Variants in MLXIPL observed in about 807,000 individuals in gnomAD.
MLXIPL encodes carbohydrate-responsive element-binding protein.
A neutral mutation model predicts 81.5 loss-of-function variants in MLXIPL; 49 were observed. The observed-to-expected ratio is 0.60, with a 90% CI of 0.48 to 0.76. MLXIPL has a LOEUF of 0.76. Among genes scored for constraint, MLXIPL ranks in the 30% least tolerant of loss-of-function variants. The pLI is 0.00. For synonymous variants in MLXIPL, 466 were observed against 485.5 expected (o/e 0.96, Z 0.53); for missense variants, 1,053 against 1,167.0 (o/e 0.90, Z 1.42).
the MLXIPL span, among the ~76,000 whole-genome samples, chr7:73,647,652 G>A: frequency 1.3e-5 from 2 of 152,166 alleles, no homozygotes; most frequent in Admixed American, 1.3e-4. Context: ...CAACCCAGCT[G>A]AGCCAGAGAC....
intron 15 of MLXIPL, 132 bp downstream of exon 15, chr7:73,595,505 C>A: frequency 1.9e-6 from 3 of 1,593,158 alleles, no homozygotes; most frequent in South Asian, 1.1e-5. Context: ...GGGGGCAGAG[C>A]CAGAGCCTGT....
chr7:73,624,067 G>T, intron 1 of MLXIPL, 133 bp downstream of exon 1: 1 of 1,263,310 alleles, frequency 7.9e-7, no homozygotes, highest in Non-Finnish European at 1.1e-6. Flanking sequence ...TCCAGGGCGT[G>T]ATCGGAGCCT....
In MLXIPL at chr7:73,599,393, G is replaced by A. The variant is rs1159286011; in HGVS notation, c.1071+133C>T. ...GTCCCTCCCAGAGGGCAGAGATGGGGTCTTTCTTTCCCTCCAATCTCCAAG... is the reference window on the plus strand; with the variant it reads ...GTCCCTCCCAGAGGGCAGAGATGGGATCTTTCTTTCCCTCCAATCTCCAAG... On this transcript the variant is annotated intron_variant, in intron 8 of 16. Coordinates refer to ENST00000313375, the MANE Select transcript of MLXIPL (RefSeq NM_032951.3). The A allele has an allele frequency of 3.5e-6, 4 of 1,150,338 alleles. No homozygotes were observed. In the African/African-American group the frequency reaches 6.1e-5, roughly 18 times the overall value. 71.3% of individuals were successfully genotyped at this position (1,150,338 alleles called of 1,614,324 possible).
At chr7:73,594,062 A>G (rs1794066129) in intron 16 of MLXIPL, 79 bp from the exon 17 acceptor site, 4 of 1,416,216 alleles carry the variant, frequency 2.8e-6, no homozygotes, top group Non-Finnish European at 4.0e-6. Flanking sequence ...CCAAAGGGAT[A>G]GGGGGAGGTA....
chr7:73,612,428 G>C (rs1795745484), intron 2 of MLXIPL, among the ~76,000 whole-genome samples: 1 of 152,042 alleles, frequency 6.6e-6, no homozygotes, highest in Non-Finnish European at 1.5e-5. Context: ...ATCACCTGAG[G>C]TCGGGAGTTC....
intron 2 of MLXIPL, among the ~76,000 whole-genome samples, chr7:73,611,813 CA>C (rs549822897): frequency 1.9e-3 from 246 of 131,192 alleles, no homozygotes; most frequent in African/African-American, 2.9e-3. Flanking sequence ...GAGACTGTCT[CA>C]AAAAAAAAAA....
Position 73,605,745 on chromosome 7 carries a change from T to G in MLXIPL, c.844A>C (p.Ile282Leu), listed in dbSNP as rs782732132. The G allele has an allele frequency of 4.3e-6, 7 of 1,613,486 alleles. No individual in the cohort carries two copies. In the Admixed American group the frequency reaches 1.2e-4, roughly 27 times the overall value. Residue 282 changes from isoleucine (I) to leucine (L), a missense_variant, in exon 7 of 17, where the codon ATC becomes CTC. By Grantham distance (5) the Ile-to-Leu change is conservative. Coordinates refer to ENST00000313375, the MANE Select transcript of MLXIPL (RefSeq NM_032951.3). ...EDAYVGNADM[I>L]QPDLTPLQPS... Reference sequence around the variant, plus strand: ...TGCAGTGGCGTCAGGTCCGGCTGGATCATGTCAGCATTGCCGACGTAGGCT... The same window carrying G: ...TGCAGTGGCGTCAGGTCCGGCTGGAGCATGTCAGCATTGCCGACGTAGGCT...
At chr7:73,647,890 C>A in the MLXIPL span, among the ~76,000 whole-genome samples, 1 of 151,122 alleles carries the variant, frequency 6.6e-6, no homozygotes, top group Non-Finnish European at 1.5e-5. Flanking sequence ...CTTCTCCGCG[C>A]GGGCGGCAGA....
chr7:73,602,167 T>TTCCTTCCTTC lies in MLXIPL; in HGVS notation c.902-2473_902-2472insGAAGGAAGGA, dbSNP rs1554596522. Among the ~76,000 whole-genome samples the TTCCTTCCTTC allele has an allele frequency of 7.9e-3, 177 of 22,278 alleles. 1 individual carries two copies. Among genetic ancestry groups the TTCCTTCCTTC allele is most frequent in the African/African-American group, 0.017 (102 of 6,000 alleles). 14.6% of individuals were successfully genotyped at this position (22,278 alleles called of 152,430 possible). ...TCCTTCCTTCCTTCCTTCCTTCCTT[T>TTCCTTCCTTC]CTTTCCCTCTCTCTCTTTCTTTCAT... On this transcript the variant is annotated intron_variant, in intron 7 of 16. Transcript: ENST00000313375.
At chr7:73,599,391 G>A (rs1554595311) in intron 8 of MLXIPL, 135 bp downstream of exon 8, 6 of 1,124,860 alleles carry the variant, frequency 5.3e-6, no homozygotes, top group South Asian at 3.8e-5. Context: ...GGCAGAGATG[G>A]GGTCTTTCTT....
chr7:73,606,218 G>A, intron 5 of MLXIPL, 107 bp from the exon 6 acceptor site: 1 of 1,165,010 alleles, frequency 8.6e-7, no homozygotes, highest in Non-Finnish European at 1.2e-6. Flanking sequence ...GGGTCTGTCT[G>A]TTCACACCTC....
At chr7:73,612,826 G>T (rs1409196348) in intron 2 of MLXIPL, among the ~76,000 whole-genome samples, 5 of 152,048 alleles carry the variant, frequency 3.3e-5, no homozygotes, top group African/African-American at 4.8e-5. Context: ...TCACTCAGCC[G>T]CGGAACCCTT....
the MLXIPL span, among the ~76,000 whole-genome samples, chr7:73,641,175 C>T: frequency 6.6e-6 from 1 of 152,032 alleles, no homozygotes; most frequent in African/African-American, 2.4e-5. Flanking sequence ...GTGCCTTAGT[C>T]CCAGCTACCA....
At chr7:73,635,623 C>T in the MLXIPL span, among the ~76,000 whole-genome samples, 2 of 151,882 alleles carry the variant, frequency 1.3e-5, no homozygotes, top group Non-Finnish European at 2.9e-5. Context: ...CATCTCTCTC[C>T]ATCCACCCAT....
In MLXIPL at chr7:73,605,685, C is replaced by A. The variant is rs1795215704; in HGVS notation, c.901+3G>T. The A allele has an allele frequency of 6.2e-7, 1 of 1,613,288 alleles. No individual in the cohort carries two copies. Among genetic ancestry groups the A allele is most frequent in the African/African-American group, 1.3e-5 (1 of 74,916 alleles). ...ACCCGACCTGGGGAGGGGCTCGCCC[C>A]ACCTGAGATGTCCATGAAGTCATCC... On this transcript the variant is annotated splice_donor_region_variant and intron_variant, in intron 7 of 16. Transcript: ENST00000313375.
At chr7:73,604,192 G>A (rs1795101907) in intron 7 of MLXIPL, among the ~76,000 whole-genome samples, 1 of 141,262 alleles carries the variant, frequency 7.1e-6, no homozygotes, top group Non-Finnish European at 1.5e-5. Flanking sequence ...TTCCAACCTG[G>A]GTGACAGAGT....
Position 73,595,635 on chromosome 7 carries a change from A to G in MLXIPL, c.2310+2T>C. On this transcript the variant is annotated splice_donor_variant, in intron 15 of 16. Coordinates refer to ENST00000313375, the MANE Select transcript of MLXIPL (RefSeq NM_032951.3). LOFTEE classifies it high-confidence loss of function. ...CCCAGCCATGGGCTTGAGGGAGGAT[A>G]CCACCCAGAACTTCCAGTTGTGCAG... 6.2e-7 allele frequency: 1 copy of G among 1,614,142 alleles called. No homozygotes were observed. Among genetic ancestry groups the G allele is most frequent in the Non-Finnish European group, 8.5e-7 (1 of 1,180,006 alleles).
the MLXIPL span, among the ~76,000 whole-genome samples, chr7:73,637,407 G>A: frequency 6.6e-6 from 1 of 151,720 alleles, no homozygotes; most frequent in East Asian, 1.9e-4. Flanking sequence ...CTTGGAAGGT[G>A]GAGTTTGCAG....
chr7:73,622,543 G>A (rs1554602544), intron 1 of MLXIPL, among the ~76,000 whole-genome samples: 2 of 149,496 alleles, frequency 1.3e-5, no homozygotes, highest in African/African-American at 4.9e-5. Flanking sequence ...TCAGTATGTT[G>A]CCCAGGCTGG....
Sources: allele counts gnomAD v4.1 joint callset (sites outside exome capture counted in the v4.1 genomes callset), GRCh38; gene constraint gnomAD v4.1.1; transcripts MANE v1.5; gene names NCBI Gene and HGNC (gene_info 2026-07-23, HGNC 2026-07-21).